Variants in LRP4 observed in about 807,000 individuals in gnomAD.
LRP4 encodes the protein low-density lipoprotein receptor-related protein 4.
A neutral mutation model predicts 220.3 loss-of-function variants in LRP4; 95 were observed. The observed-to-expected ratio is 0.43, with a 90% confidence interval of 0.37 to 0.51. The LOEUF (loss-of-function observed/expected upper bound fraction) is 0.51. Ranked by LOEUF, LRP4 falls within the 20% of genes least tolerant of loss-of-function variation. The pLI, the probability that LRP4 is intolerant of heterozygous loss-of-function variation, is 0.00. For missense variants in LRP4, 1,925 were observed against 2,567.0 expected, an observed-to-expected ratio of 0.75 and a Z score of 5.40; for synonymous variants, 903 against 954.6, an observed-to-expected ratio of 0.95 and a Z score of 1.00.
At position 46,875,628 on chromosome 11, in the gene LRP4, C is replaced by T. The variant is rs140010759; in HGVS notation, c.3753G>A (p.Pro1251=). 7.4e-5 allele frequency: 120 copies of T among 1,614,002 alleles called. No individual in the cohort carries two copies. Among genetic ancestry groups the T allele is most frequent in the Middle Eastern group, 4.9e-4 (3 of 6,084 alleles). Residue 1251 remains proline, a synonymous_variant, in exon 27 of 38, where the codon CCG becomes CCA. Transcript: ENST00000378623. The surrounding 1 kb of genome is among the most constrained non-coding windows in gnomAD (Gnocchi z 4.5). ...GGGTGAGGCCATATGGGTGCTGCAC[C>T]GGTGACACCAATGTATGCCGATTGG... ...NGANRHTLVS[P]VQHPYGLTLL...
In LRP4 at chr11:46,873,603, A is replaced by G. The variant is rs1940930151; in HGVS notation, c.4230-10T>C. ...GTTCAGGTCTGCTCGCCTTGGGGAG[A>G]GCCCAGTGTTGGATGAGCAACCAGA... On this transcript the variant is annotated splice_polypyrimidine_tract_variant and intron_variant, in intron 28 of 37. Transcript: ENST00000378623. The surrounding 1 kb of genome is among the most constrained non-coding windows in gnomAD (Gnocchi z 4.2). The G allele has an allele frequency of 6.2e-7, 1 of 1,608,414 alleles. No individual in the cohort carries two copies.
chr11:46,904,314 T>C (rs1469548392), intron 1 of LRP4, among the ~76,000 whole-genome samples: 2 of 152,186 alleles, frequency 1.3e-5, no homozygotes, highest in Non-Finnish European at 2.9e-5. Flanking sequence ...ATGTACATCC[T>C]TGTCTCACAT....
chr11:46,895,207 C>T lies in LRP4; in HGVS notation c.1268G>A (p.Gly423Asp). The T allele has an allele frequency of 5.0e-6, 8 of 1,614,124 alleles. No homozygotes were observed. The highest frequency in any genetic ancestry group is 6.8e-6 in the Non-Finnish European group (8 of 1,180,036). Residue 423 changes from glycine (G) to aspartate (D), a missense_variant, in exon 11 of 38, where the codon GGC becomes GAC. Physicochemically the swap from Gly to Asp is moderately conservative, Grantham distance 94. Transcript: ENST00000378623. ...GCGCCGGTCGGGCCGTAGTTCATAGCCTGTTTCACACCAGCATTGGAAAGC... is the reference window on the plus strand; with the variant it reads ...GCGCCGGTCGGGCCGTAGTTCATAGTCTGTTTCACACCAGCATTGGAAAGC... ...EGAFQCWCET[G>D]YELRPDRRSC...
chr11:46,884,463 G>A (rs1311509407), intron 18 of LRP4, among the ~76,000 whole-genome samples: 4 of 152,022 alleles, frequency 2.6e-5, no homozygotes, highest in Admixed American at 1.3e-4. Context: ...TTGGCCGGGC[G>A]CAGTGGCTCA....
intron 34 of LRP4, among the ~76,000 whole-genome samples, chr11:46,867,236 G>A (rs1940728286): frequency 6.6e-6 from 1 of 151,978 alleles, no homozygotes; most frequent in South Asian, 2.1e-4. Flanking sequence ...GTGTGTTGCG[G>A]GGGGGTGCAC....
Position 46,858,766 on chromosome 11 carries a change from C to G in LRP4, c.*217G>C. 1.6e-6 allele frequency: 1 copy of G among 610,986 alleles called. No individual in the cohort carries two copies. Among genetic ancestry groups the G allele is most frequent in the East Asian group, 2.9e-5 (1 of 34,748 alleles). 37.8% of individuals were successfully genotyped at this position (610,986 alleles called of 1,614,324 possible). A position where few individuals can be genotyped will look rare whatever the true frequency, so the allele number is the denominator to read the frequency against. ...CAAGATGTGAGGTTCATGGTAAAAT[C>G]CAGGTCTAAATTCTCGTGATGTGCC... On this transcript the variant is annotated 3_prime_UTR_variant, in exon 38 of 38. Transcript: ENST00000378623.
At chr11:46,892,759 G>A (rs1165617950) in intron 13 of LRP4, among the ~76,000 whole-genome samples, 1 of 152,088 alleles carries the variant, frequency 6.6e-6, no homozygotes, top group African/African-American at 2.4e-5. Context: ...TTGCAGAGAT[G>A]GGGTTTCCCC....
chr11:46,898,616 T>G lies in LRP4; in HGVS notation c.738A>C (p.Ala246=), dbSNP rs755592278. ...FMCDSGLCIN[A]GWRCDGDADC... is the part of the protein sequence containing the mutation. ...CCGCGTCACCATCGCAGCGCCAGCC[T>G]GCATTGATGCACAGGCCACTGTCAC... Residue 246 remains alanine, a synonymous_variant, in exon 7 of 38, where the codon GCA becomes GCC. Coordinates refer to ENST00000378623, the MANE Select transcript of LRP4 (RefSeq NM_002334.4). The G allele has an allele frequency of 5.6e-5, 91 of 1,614,042 alleles. No homozygotes were observed. The highest frequency in any genetic ancestry group is 7.5e-5 in the Non-Finnish European group (89 of 1,180,022).
chr11:46,908,525 A>G (rs192444959), intron 1 of LRP4, among the ~76,000 whole-genome samples: 59 of 152,354 alleles, frequency 3.9e-4, no homozygotes, highest in African/African-American at 1.3e-3. Context: ...ACACCCAGGC[A>G]GGTGATTATA....
chr11:46,872,799 A>G (rs1474248499), intron 30 of LRP4, among the ~76,000 whole-genome samples: 1 of 152,202 alleles, frequency 6.6e-6, no homozygotes, highest in Non-Finnish European at 1.5e-5. Context: ...ATTATAACAA[A>G]TATAAGAATC....
At chr11:46,877,062 G>T in intron 23 of LRP4, 137 bp downstream of exon 23, 1 of 1,065,694 alleles carries the variant, frequency 9.4e-7, no homozygotes, top group African/African-American at 1.5e-5. Flanking sequence ...GAGAGACAGG[G>T]ACAGGGGCTA....
rs574108233 is a variant in LRP4 at position 46,893,086 on chromosome 11, G to T, written c.1584C>A (p.Thr528=). The change falls in exon 13 of 38, where the codon ACC becomes ACA. Residue 528 remains threonine, a synonymous_variant. Coordinates refer to ENST00000378623, the MANE Select transcript of LRP4 (RefSeq NM_002334.4). ...CCTCAATCCTCGAGGTGCCTGAGTC[G>T]GTCCAGTAGAGTTTGTCATGGACCC... ...VDWVHDKLYW[T]DSGTSRIEVA... 6.2e-6 allele frequency: 10 copies of T among 1,614,126 alleles called. No individual in the cohort carries two copies. In the Admixed American group the frequency reaches 1.7e-4, roughly 27 times the overall value.
chr11:46,890,281 G>C lies in LRP4; in HGVS notation c.1911C>G (p.Ser637Arg). Residue 637 changes from serine to arginine, a missense_variant, in exon 14 of 38, where the codon AGC (serine) becomes AGG (arginine). Physicochemically the swap from Ser to Arg is moderately radical, Grantham distance 110. This residue lies in a region of LRP4 where 269 missense variants were observed against 436.7 expected (regional missense o/e 0.62). Coordinates refer to ENST00000378623, the MANE Select transcript of LRP4 (RefSeq NM_002334.4). The surrounding 1 kb of genome is among the most constrained non-coding windows in gnomAD (Gnocchi z 5.3). Reference protein sequence around the residue: ...LDGSHRKAVISQGLPHPFAIT... With the variant: ...LDGSHRKAVIRQGLPHPFAIT... ...AGACTGAAGGAAGGGGCTCACCCTG[G>C]CTAATGACAGCCTTACGGTGACTCC... 6.2e-7 allele frequency: 1 copy of C among 1,614,048 alleles called. No individual in the cohort carries two copies.
At chr11:46,882,023 C>T (rs113899331) in intron 19 of LRP4, 120 bp from the exon 20 acceptor site, 8 of 890,370 alleles carry the variant, frequency 9.0e-6, no homozygotes, top group African/African-American at 8.3e-5. Flanking sequence ...CAGCCTCCTG[C>T]ATCAGTGTCC....
At position 46,899,891 on chromosome 11, in the gene LRP4, G is replaced by A; in HGVS notation, c.402C>T (p.Asp134=). 6.2e-7 allele frequency: 1 copy of A among 1,614,006 alleles called. No individual in the cohort carries two copies. Among genetic ancestry groups the A allele is most frequent in the Admixed American group, 1.7e-5 (1 of 60,030 alleles). ...RSLWHCDGDN[D]CGDNSDEQCD... ...ACTGCTCATCGCTGTTGTCGCCACA[G>A]TCATTGTCACCATCGCAGTGCCACA... Residue 134 remains aspartate (D), a synonymous_variant, in exon 4 of 38, where the codon GAC becomes GAT. Coordinates refer to ENST00000378623, the MANE Select transcript of LRP4 (RefSeq NM_002334.4). The surrounding 1 kb of genome is among the most constrained non-coding windows in gnomAD (Gnocchi z 5.9).
intron 7 of LRP4, among the ~76,000 whole-genome samples, chr11:46,897,869 G>A (rs1401717950): frequency 6.6e-6 from 1 of 152,176 alleles, no homozygotes; most frequent in Non-Finnish European, 1.5e-5. Flanking sequence ...ATCATGGCCC[G>A]TTCTCAATGA....
intron 10 of LRP4, among the ~76,000 whole-genome samples, 195 bp from the exon 11 acceptor site, chr11:46,895,486 CAGG>C (rs1234155837): frequency 6.6e-6 from 1 of 152,162 alleles, no homozygotes; most frequent in Non-Finnish European, 1.5e-5. Flanking sequence ...GAGGCTGAGG[CAGG>C]AGAATGGCTT....
intron 13 of LRP4, 119 bp downstream of exon 13, chr11:46,892,854 G>C: frequency 7.8e-7 from 1 of 1,274,752 alleles, no homozygotes; most frequent in Non-Finnish European, 1.1e-6. Flanking sequence ...ACAGGCGTGA[G>C]CCACCGCGCC....
rs1278015860 is a variant in LRP4, at chr11:46,857,655, A to C, written c.*1328T>G. The C allele has an allele frequency of 1.3e-5, 2 of 152,268 alleles. No homozygotes were observed. The highest frequency in any genetic ancestry group is 1.5e-5 in the Non-Finnish European group (1 of 68,042). The allele number at this position is 152,268 out of a possible 1,614,324, so 9.4% of individuals were successfully genotyped here. A position where few individuals can be genotyped will look rare whatever the true frequency, so the allele number is the denominator to read the frequency against. ...ATTAGGCAAAAAAACAAACAAAAAAACCCCACGAAGAACAGCTAGGGAGAC... is the reference window on the plus strand; with the variant it reads ...ATTAGGCAAAAAAACAAACAAAAAACCCCCACGAAGAACAGCTAGGGAGAC... On this transcript the variant is annotated 3_prime_UTR_variant, in exon 38 of 38. Transcript: ENST00000378623.
Sources: gnomAD v4.1 joint callset for allele counts (sites outside exome capture counted in the v4.1 genomes callset) on GRCh38, gnomAD v4.1.1 for gene constraint, gnomAD v4.1.1 regional missense constraint, Gnocchi (gnomAD v3.1) non-coding constraint, MANE v1.5 for transcripts, NCBI Gene and HGNC (gene_info 2026-07-23, HGNC 2026-07-21) for gene names.